The following FAR2 variants were observed in gnomAD, a reference collection of about 807,000 sequenced individuals.
FAR2 encodes epididymis secretory protein Li 81.
Under a neutral mutation model 56.0 loss-of-function variants are expected in FAR2, and 19 were observed. The ratio of observed to expected loss-of-function variants is 0.34; its 90% CI spans 0.24 to 0.50. The LOEUF (loss-of-function observed/expected upper bound fraction) is 0.50. Among genes scored for constraint, FAR2 ranks in the 20% least tolerant of loss-of-function variants. The pLI, the probability that FAR2 is intolerant of heterozygous loss-of-function variation, is 0.98. For synonymous variants in FAR2, 219 were observed against 218.8 expected (o/e 1.00, Z -0.01); for missense variants, 508 against 642.2 (o/e 0.79, Z 2.26).
At chr12:29,332,799 T>A in intron 11 of FAR2, 72 bp downstream of exon 11, 1 of 1,391,316 alleles carries the variant, frequency 7.2e-7, no homozygotes, top group East Asian at 2.5e-5. Flanking sequence ...ACATAACATT[T>A]GTGCAGAGGA....
chr12:29,158,084 A>T (rs994747811), intron 1 of FAR2, among the ~76,000 whole-genome samples: 2 of 152,248 alleles, frequency 1.3e-5, no homozygotes, highest in Non-Finnish European at 2.9e-5. Context: ...CAATTTGCCT[A>T]AAACTTAAGA....
At chr12:29,312,117 A>C (rs530522407) in intron 8 of FAR2, among the ~76,000 whole-genome samples, 167 bp downstream of exon 8, 1 of 152,196 alleles carries the variant, frequency 6.6e-6, no homozygotes, top group Admixed American at 6.6e-5. Flanking sequence ...ACTAGAATGT[A>C]CTGTGGTTAC....
chr12:29,157,916 T>A (rs2136574774), intron 1 of FAR2, among the ~76,000 whole-genome samples: 1 of 152,262 alleles, frequency 6.6e-6, no homozygotes, highest in South Asian at 2.1e-4. Context: ...ATAAACTGAG[T>A]AAAAGAAACT....
chr12:29,232,136 A>T (rs1473798509), intron 1 of FAR2, among the ~76,000 whole-genome samples: 1 of 152,200 alleles, frequency 6.6e-6, no homozygotes, highest in Non-Finnish European at 1.5e-5. Flanking sequence ...CCCAAGACTG[A>T]ACTATTTGGT....
At chr12:29,198,873 C>T (rs1428410674) in intron 1 of FAR2, among the ~76,000 whole-genome samples, 1 of 152,174 alleles carries the variant, frequency 6.6e-6, no homozygotes, top group Non-Finnish European at 1.5e-5. Flanking sequence ...TAATTTCCTC[C>T]TTTTCTCTTC....
rs773731603 is a variant in FAR2 at position 29,333,807 on chromosome 12, A to G, written c.*13A>G. ...GCTCAAAGTTTAAGAGCATTTAGCC[A>G]TCGCTTTTTATCTGGAACCTCTCAG... On this transcript the variant is annotated 3_prime_UTR_variant, in exon 12 of 12. Coordinates refer to ENST00000536681, the MANE Select transcript of FAR2 (RefSeq NM_001271783.2). The G allele has an allele frequency of 3.7e-6, 6 of 1,611,002 alleles. No individual in the cohort carries two copies. In the African/African-American group the frequency reaches 8.0e-5, roughly 22 times the overall value.
intron 2 of FAR2, among the ~76,000 whole-genome samples, chr12:29,290,982 T>A (rs1185032472): frequency 6.6e-6 from 1 of 152,130 alleles, no homozygotes; most frequent in Non-Finnish European, 1.5e-5. Context: ...TTTAAAATAA[T>A]TTAAAGAGTA....
rs1555178475 is a variant in FAR2 at position 29,180,762 on chromosome 12, T to TATCTATCTATC, written c.-39+31365_-39+31366insCATCTATCTAT. 5.3e-5 allele frequency among the ~76,000 whole-genome samples: 8 copies of TATCTATCTATC among 151,776 alleles called. No individual in the cohort carries two copies. In the South Asian group the frequency reaches 1.1e-3, roughly 20 times the overall value. Reference sequence around the variant, plus strand: ...CTATCTATCTATCTATCTATCTATCTATCTATCTATTCTCTATCTGTAAAA... The same window carrying TATCTATCTATC: ...CTATCTATCTATCTATCTATCTATCTATCTATCTATCATCTATCTATTCTCTATCTGTAAAA... On this transcript the variant is annotated intron_variant, in intron 1 of 11. Transcript: ENST00000536681.
rs1185764429 is a variant in FAR2 at position 29,277,946 on chromosome 12, T to TC, written c.189+7308_189+7309insC. 2.7e-4 allele frequency: 40 copies of TC among 148,686 alleles called. 1 individual carries two copies. The highest frequency in any genetic ancestry group is 4.8e-4 in the Non-Finnish European group (32 of 67,112). 9.2% of individuals were successfully genotyped at this position (148,686 alleles called of 1,614,324 possible). Reference sequence around the variant, plus strand: ...ATATTTTCTTTCTTTTTTTTTTTTTTTTTTTTGAGATAGGGTCTCACTCTG... The same window carrying TC: ...ATATTTTCTTTCTTTTTTTTTTTTTTCTTTTTTGAGATAGGGTCTCACTCTG... On this transcript the variant is annotated intron_variant, in intron 2 of 11. Coordinates refer to ENST00000536681, the MANE Select transcript of FAR2 (RefSeq NM_001271783.2).
chr12:29,227,684 A>G (rs914036833), intron 1 of FAR2, among the ~76,000 whole-genome samples: 9 of 152,196 alleles, frequency 5.9e-5, no homozygotes, highest in South Asian at 2.1e-4. Context: ...TTTTTCAAGA[A>G]TACTGAAATA....
At position 29,316,900 on chromosome 12, in the gene FAR2, A is replaced by G; in HGVS notation, c.1015A>G (p.Asn339Asp). The change falls in exon 9 of 12, where the codon AAT becomes GAT. Residue 339 changes from asparagine to aspartate, a missense_variant. By Grantham distance (23) the Asn-to-Asp change is conservative (BLOSUM62 1). Transcript: ENST00000536681. ...IPFERPFRRP[N>D]ANFTSNSFTS... Reference sequence around the variant, plus strand: ...ATTTGAGAGACCTTTCAGGAGGCCAAATGCTAATTTTACCAGCAACAGCTT... The same window carrying G: ...ATTTGAGAGACCTTTCAGGAGGCCAGATGCTAATTTTACCAGCAACAGCTT... 1 of 1,614,094 alleles carries G rather than the reference A, an allele frequency of 6.2e-7. No homozygotes were observed. Among genetic ancestry groups the G allele is most frequent in the Non-Finnish European group, 8.5e-7 (1 of 1,179,976 alleles).
intron 1 of FAR2, among the ~76,000 whole-genome samples, chr12:29,210,410 T>G (rs921609109): frequency 2.6e-5 from 4 of 152,222 alleles, no homozygotes; most frequent in African/African-American, 9.6e-5. Context: ...CCAGGTTCTT[T>G]GTGCCACCTC....
chr12:29,259,294 A>G (rs1249975536), intron 1 of FAR2, among the ~76,000 whole-genome samples: 3 of 152,202 alleles, frequency 2.0e-5, no homozygotes, highest in East Asian at 3.9e-4. Context: ...TAAGCATCCT[A>G]CGTTGCACTG....
chr12:29,299,213 C>CAAAAAAAAAAAAAAAAAAAAA (rs71042981), intron 4 of FAR2, among the ~76,000 whole-genome samples: 1 of 103,568 alleles, frequency 9.7e-6, no homozygotes, highest in African/African-American at 3.9e-5. Flanking sequence ...AACTTTGTCT[C>CAAAAAAAAAAAAAAAAAAAAA]AAAAAAAAAA....
intron 1 of FAR2, among the ~76,000 whole-genome samples, chr12:29,170,812 T>C (rs578101314): frequency 1.8e-4 from 27 of 152,200 alleles, no homozygotes; most frequent in Non-Finnish European, 3.8e-4. Flanking sequence ...GGTCTTTCCC[T>C]GCCTCTGCTA....
At chr12:29,209,067 G>T (rs1234585476) in intron 1 of FAR2, among the ~76,000 whole-genome samples, 2 of 149,194 alleles carry the variant, frequency 1.3e-5, no homozygotes, top group Non-Finnish European at 3.0e-5. Flanking sequence ...AGGTAATTCA[G>T]ACCTGAACTA....
Position 29,270,445 on chromosome 12 carries a change from G to A in FAR2, c.-5G>A, listed in dbSNP as rs774878194. ...TTCAGGAGCTATAAAAGAAAGGGAG[G>A]AATCATGTCCACAATTGCAGCTTTC... is the stretch of plus-strand genomic sequence containing the variant. On this transcript the variant is annotated 5_prime_UTR_variant, in exon 2 of 12. Coordinates refer to ENST00000536681, the MANE Select transcript of FAR2 (RefSeq NM_001271783.2). The A allele has an allele frequency of 6.5e-7, 1 of 1,549,312 alleles. No individual in the cohort carries two copies. The highest frequency in any genetic ancestry group is 8.8e-7 in the Non-Finnish European group (1 of 1,137,150).
At chr12:29,174,423 C>CTT (rs55827253) in intron 1 of FAR2, among the ~76,000 whole-genome samples, 25 of 55,436 alleles carry the variant, frequency 4.5e-4, no homozygotes, top group African/African-American at 1.2e-3. Flanking sequence ...GGTTTTTATT[C>CTT]TTTTTTTTTT....
At chr12:29,325,326 C>T (rs915747224) in intron 10 of FAR2, among the ~76,000 whole-genome samples, 1 of 152,168 alleles carries the variant, frequency 6.6e-6, no homozygotes, top group Non-Finnish European at 1.5e-5. Flanking sequence ...CCACTGTCAA[C>T]ATTAGACAGA....
Sources: gnomAD v4.1 joint callset for allele counts (sites outside exome capture counted in the v4.1 genomes callset) on GRCh38, gnomAD v4.1.1 for gene constraint, MANE v1.5 for transcripts, NCBI Gene and HGNC (gene_info 2026-07-23, HGNC 2026-07-21) for gene names.